MESD: variants seen among roughly 807,000 people sequenced by gnomAD.
The protein encoded by MESD is mesoderm development LRP chaperone, also known as LRP chaperone MESD.
MESD carries 7 observed loss-of-function variants against 12.9 expected under a neutral mutation model. The ratio of observed to expected loss-of-function variants is 0.54; its 90% CI spans 0.31 to 1.02. The LOEUF (loss-of-function observed/expected upper bound fraction) is 1.02. Among genes scored for constraint, MESD ranks in the 50% least tolerant of loss-of-function variants. MESD has a pLI of 0.05. For synonymous variants in MESD, 126 were observed against 115.6 expected (o/e 1.09, Z -0.58); for missense variants, 342 against 296.7 (o/e 1.15, Z -1.12).
At chr15:80,970,820 TG>T (rs1460046849), downstream of MESD, among the ~76,000 whole-genome samples, 1 of 152,052 alleles carries the variant, frequency 6.6e-6, no homozygotes, top group Non-Finnish European at 1.5e-5. Context: ...AGGAGCAGGA[TG>T]GGGGCAGTAG....
chr15:80,948,850 C>T (rs201048326), exon 5 of MESD: 3 of 1,614,108 alleles, frequency 1.9e-6, no homozygotes, highest in East Asian at 4.5e-5. Flanking sequence ...CTGGGTGACA[C>T]TGGACACTGA....
At chr15:80,952,607 A>T (rs1373074415) in intron 3 of MESD, among the ~76,000 whole-genome samples, 1 of 151,082 alleles carries the variant, frequency 6.6e-6, no homozygotes, top group Non-Finnish European at 1.5e-5. Flanking sequence ...AAAACAAAAC[A>T]ACTATGTCTC....
chr15:80,969,811 C>T (rs1338052441), intron 3 of MESD, among the ~76,000 whole-genome samples: 2 of 152,070 alleles, frequency 1.3e-5, no homozygotes, highest in African/African-American at 2.4e-5. Context: ...GCCGAGATGG[C>T]GCCACTGCAC....
intron 3 of MESD, among the ~76,000 whole-genome samples, chr15:80,956,287 A>C (rs1316909193): frequency 6.6e-6 from 1 of 152,194 alleles, no homozygotes; most frequent in African/African-American, 2.4e-5. Flanking sequence ...TGATGACATG[A>C]AGTGTGTTGG....
At chr15:80,982,913 T>TA (rs11414347) in intron 1 of MESD, among the ~76,000 whole-genome samples, 20,669 of 151,390 alleles carry the variant, frequency 0.14, 1,429 homozygotes, top group Middle Eastern at 0.19. Context: ...AGACTGTCTC[T>TA]AAAAAAAAAT....
intron 3 of MESD, among the ~76,000 whole-genome samples, chr15:80,968,626 G>T (rs997767141): frequency 6.6e-6 from 1 of 152,104 alleles, no homozygotes; most frequent in African/African-American, 2.4e-5. Context: ...AGGTAAAATA[G>T]TGAGACCCCA....
At chr15:80,954,991 A>G (rs1901938166) in intron 3 of MESD, among the ~76,000 whole-genome samples, 8 of 152,198 alleles carry the variant, frequency 5.3e-5, no homozygotes, top group Admixed American at 5.2e-4. Flanking sequence ...TCCATGGGCC[A>G]ATGGCATCAG....
intron 3 of MESD, among the ~76,000 whole-genome samples, chr15:80,969,421 T>G (rs1359160668): frequency 6.6e-6 from 1 of 152,104 alleles, no homozygotes; most frequent in Non-Finnish European, 1.5e-5. Flanking sequence ...TTATTGGTGT[T>G]CAGCACTTAC....
rs552803952 is a variant in MESD at position 80,962,805 on chromosome 15, T to C, written c.*289-10509A>G. 7.2e-5 allele frequency among the ~76,000 whole-genome samples: 11 copies of C among 152,222 alleles called. No individual in the cohort carries two copies. In the South Asian group the frequency reaches 2.3e-3, roughly 32 times the overall value. On this transcript the variant is annotated intron_variant, in intron 3 of 4. Coordinates refer to the MESD transcript ENST00000561312. ...GAAACCAATGAGAACAAAGACACAA[T>C]GTACCAGAATCTGAGGGACACATTT...
Position 80,981,627 on chromosome 15 carries a change from G to A in MESD, c.446+323C>T, listed in dbSNP as rs190172484. Among the ~76,000 whole-genome samples the A allele has an allele frequency of 1.4e-4, 21 of 151,746 alleles. No homozygotes were observed. In the East Asian group the frequency reaches 3.9e-3, roughly 28 times the overall value. On this transcript the variant is annotated intron_variant, in intron 2 of 2. Coordinates refer to ENST00000261758, the MANE Select transcript of MESD (RefSeq NM_015154.3). ...TCCCAGCACTTAGGGAGGCTGAGGC[G>A]GGTGCATCACCTGAAGTCAGAAATT...
chr15:80,981,997 C>G lies in MESD; in HGVS notation c.399G>C (p.Thr133=), dbSNP rs373617176. The stretch of plus-strand genomic sequence containing the variant: ...TGAAAAGGCTGCCCTGCCAGAGGCT[C>G]GTAATTTCCTCTGTCTCCTTCTCAG... ...SPTEKETEEI[T]SLWQGSLFNA... is the part of the protein sequence containing the mutation. Residue 133 remains threonine, a synonymous_variant, in exon 2 of 3, where the codon ACG becomes ACC. Coordinates refer to ENST00000261758, the MANE Select transcript of MESD (RefSeq NM_015154.3). 1 of 1,614,164 alleles carries G rather than the reference C, an allele frequency of 6.2e-7. No homozygotes were observed.
chr15:80,979,204 G>T lies in MESD; in HGVS notation c.*15C>A. On this transcript the variant is annotated 3_prime_UTR_variant, in exon 3 of 3. Coordinates refer to ENST00000261758, the MANE Select transcript of MESD (RefSeq NM_015154.3). ...ACGTCCACCTGTCCCCCCACAGCGC[G>T]TCACTGCTGCCCCATCACAGGTCTT... 1 of 1,609,438 alleles carries T rather than the reference G, an allele frequency of 6.2e-7. No individual in the cohort carries two copies. Among genetic ancestry groups the T allele is most frequent in the Non-Finnish European group, 8.5e-7 (1 of 1,177,590 alleles).
At chr15:80,980,061 G>C (rs905785526) in intron 2 of MESD, among the ~76,000 whole-genome samples, 3 of 152,204 alleles carry the variant, frequency 2.0e-5, no homozygotes, top group African/African-American at 7.2e-5. Context: ...AATGAGGCCT[G>C]GGTGGAGCCC....
chr15:80,987,812 G>C (rs1448361211), intron 1 of MESD, among the ~76,000 whole-genome samples: 1 of 148,714 alleles, frequency 6.7e-6, no homozygotes, highest in Non-Finnish European at 1.5e-5. Context: ...ACTACATTAT[G>C]TGGCCCTGCT....
chr15:80,956,632 A>G (rs908556742), intron 3 of MESD, among the ~76,000 whole-genome samples: 6 of 152,228 alleles, frequency 3.9e-5, no homozygotes, highest in African/African-American at 1.4e-4. Flanking sequence ...AGATATTGCA[A>G]TAAGTTTTAT....
At chr15:80,981,597 T>C (rs1237615630) in intron 2 of MESD, among the ~76,000 whole-genome samples, 3 of 152,166 alleles carry the variant, frequency 2.0e-5, no homozygotes, top group Non-Finnish European at 4.4e-5. Flanking sequence ...GGCTCACGCC[T>C]GTAATCCCAG....
At position 80,977,407 on chromosome 15, in the gene MESD, A is replaced by C. The variant is rs1033343195; in HGVS notation, c.*1812T>G. ...CCTGGCACCTTGTAGTACCTAGTAC[A>C]TAACAGACACACAGAAACTACTGGG... On this transcript the variant is annotated 3_prime_UTR_variant, in exon 3 of 3. Transcript: ENST00000261758. 1 of 152,310 alleles carries C rather than the reference A, an allele frequency of 6.6e-6. No homozygotes were observed. Among genetic ancestry groups the C allele is most frequent in the Non-Finnish European group, 1.5e-5 (1 of 68,098 alleles). 9.4% of individuals were successfully genotyped at this position (152,310 alleles called of 1,614,324 possible).
At chr15:80,948,075 T>C (rs1301912721) in exon 5 of MESD, 1 of 153,494 alleles carries the variant, frequency 6.5e-6, no homozygotes, top group African/African-American at 2.4e-5. Flanking sequence ...CCTGAAATCA[T>C]TTTGGAGCCT....
chr15:80,951,720 T>C (rs940589346), intron 4 of MESD: 1 of 153,004 alleles, frequency 6.5e-6, no homozygotes, highest in Non-Finnish European at 1.5e-5. Flanking sequence ...GGAAATTGGC[T>C]CTGGTTTGGA....
Sources: gnomAD v4.1 joint callset for allele counts (sites outside exome capture counted in the v4.1 genomes callset) on GRCh38, gnomAD v4.1.1 for gene constraint, MANE v1.5 for transcripts, NCBI Gene and HGNC (gene_info 2026-07-23, HGNC 2026-07-21) for gene names.